Variants in DYRK1A observed in about 807,000 individuals in gnomAD.
DYRK1A encodes dual specificity tyrosine phosphorylation regulated kinase 1A, also known as dual specificity tyrosine-phosphorylation-regulated kinase 1A.
DYRK1A carries 9 observed loss-of-function variants against 79.7 expected under a neutral mutation model. That is an observed-to-expected ratio of 0.11 (90% confidence interval 0.07 to 0.20). The LOEUF (loss-of-function observed/expected upper bound fraction) is 0.20. DYRK1A is among the 10% of genes least tolerant of loss of function. DYRK1A has a pLI of 1.00. For missense variants in DYRK1A, 622 were observed against 956.0 expected, an observed-to-expected ratio of 0.65 and a Z score of 4.61; for synonymous variants, 349 against 329.7, an observed-to-expected ratio of 1.06 and a Z score of -0.63.
intron 2 of DYRK1A, among the ~76,000 whole-genome samples, chr21:37,449,610 GA>G (rs894774737): frequency 3.4e-4 from 52 of 152,142 alleles, no homozygotes; most frequent in African/African-American, 1.1e-3. Context: ...TTGACTCAGG[GA>G]AAAAAATGCC....
At chr21:37,375,038 G>C (rs1156616333) in intron 1 of DYRK1A, 1 of 152,188 alleles carries the variant, frequency 6.6e-6, no homozygotes, top group Admixed American at 6.5e-5. Flanking sequence ...TTCGTTCTTT[G>C]TTCTTTCTAC....
intron 2 of DYRK1A, among the ~76,000 whole-genome samples, chr21:37,434,831 A>G (rs1324029967): frequency 6.6e-6 from 1 of 152,202 alleles, no homozygotes; most frequent in Non-Finnish European, 1.5e-5. Flanking sequence ...TAGTCTTTCC[A>G]TTATAGAATA....
At chr21:37,429,877 C>G (rs542390055) in intron 2 of DYRK1A, among the ~76,000 whole-genome samples, 1 of 152,296 alleles carries the variant, frequency 6.6e-6, no homozygotes, top group East Asian at 1.9e-4. Flanking sequence ...TTACTATTTT[C>G]CGTTTTAAAA....
At chr21:37,472,213 A>G (rs925597368) in intron 2 of DYRK1A, among the ~76,000 whole-genome samples, 3 of 152,212 alleles carry the variant, frequency 2.0e-5, no homozygotes, top group Non-Finnish European at 4.4e-5. Flanking sequence ...GGAGAGCACC[A>G]TAAGGTTTCA....
intron 3 of DYRK1A, among the ~76,000 whole-genome samples, chr21:37,473,645 C>CT (rs1336564228): frequency 1.3e-5 from 2 of 151,912 alleles, no homozygotes; most frequent in African/African-American, 4.8e-5. Flanking sequence ...TTGTTTAGGT[C>CT]TTTTAATATA....
At chr21:37,387,633 A>T (rs1381087345) in intron 1 of DYRK1A, among the ~76,000 whole-genome samples, 2 of 152,138 alleles carry the variant, frequency 1.3e-5, no homozygotes, top group African/African-American at 4.8e-5. Context: ...ATTTTCCAGC[A>T]TGGTTGGATC....
chr21:37,506,065 C>T (rs756653134), intron 10 of DYRK1A, 34 bp from the exon 11 acceptor site: 2 of 1,586,548 alleles, frequency 1.3e-6, no homozygotes, highest in Non-Finnish European at 1.7e-6. Context: ...ATTTTAAACT[C>T]ACAGTTGTAT....
At chr21:37,465,086 A>T (rs548722568) in intron 2 of DYRK1A, among the ~76,000 whole-genome samples, 1 of 152,350 alleles carries the variant, frequency 6.6e-6, no homozygotes, top group East Asian at 1.9e-4. Context: ...TGTGGCAAGC[A>T]CACCTCGTTT....
intron 1 of DYRK1A, among the ~76,000 whole-genome samples, chr21:37,405,401 T>C (rs1481108988): frequency 1.3e-5 from 2 of 152,178 alleles, no homozygotes; most frequent in African/African-American, 4.8e-5. Flanking sequence ...AGGGAGCGAG[T>C]CAAGTCATCC....
intron 1 of DYRK1A, among the ~76,000 whole-genome samples, chr21:37,376,281 G>A (rs545899924): frequency 6.6e-6 from 1 of 152,254 alleles, no homozygotes; most frequent in East Asian, 1.9e-4. Flanking sequence ...AGGCCAAGGC[G>A]AGTGGATCAC....
intron 2 of DYRK1A, among the ~76,000 whole-genome samples, chr21:37,466,444 A>G (rs2052027899): frequency 6.6e-6 from 1 of 152,276 alleles, no homozygotes; most frequent in Non-Finnish European, 1.5e-5. Flanking sequence ...GAAAAGGAAC[A>G]TAAAACAGTT....
chr21:37,465,153 T>TC (rs2051981936), intron 2 of DYRK1A, among the ~76,000 whole-genome samples: 1 of 152,210 alleles, frequency 6.6e-6, no homozygotes, highest in South Asian at 2.1e-4. Flanking sequence ...TTCTTCACTT[T>TC]CACTAAATAA....
intron 11 of DYRK1A, among the ~76,000 whole-genome samples, chr21:37,508,447 T>C (rs2053658290): frequency 1.3e-5 from 2 of 152,256 alleles, no homozygotes; most frequent in Middle Eastern, 3.4e-3. Flanking sequence ...ATCACCATGC[T>C]GGCTAATTTT....
chr21:37,506,198 T>C lies in DYRK1A; in HGVS notation c.1619T>C (p.Met540Thr). Residue 540 changes from methionine to threonine, a missense_variant, in exon 11 of 12, where the codon ATG becomes ACG. Around this residue, in one of 5 missense-constraint regions of DYRK1A, gnomAD observed 292 missense variants for 316.7 expected, o/e 0.92. Transcript: ENST00000647188. ...GGHFTAAVQAMDCETHSPQVR... is the reference protein window; with the variant it reads ...GGHFTAAVQATDCETHSPQVR... ...CACTTCACAGCTGCCGTGCAGGCCA[T>C]GGACTGCGAGACACACAGTCCCCAG... 1 of 1,614,162 alleles carries C rather than the reference T, an allele frequency of 6.2e-7. No homozygotes were observed. The highest frequency in any genetic ancestry group is 8.5e-7 in the Non-Finnish European group (1 of 1,180,040).
chr21:37,411,731 A>G (rs994289501), intron 1 of DYRK1A, among the ~76,000 whole-genome samples: 1 of 152,220 alleles, frequency 6.6e-6, no homozygotes, highest in Non-Finnish European at 1.5e-5. Context: ...CAAAATACAC[A>G]TTCATTTTAG....
At chr21:37,377,617 C>T (rs9982836) in intron 1 of DYRK1A, among the ~76,000 whole-genome samples, 28,368 of 151,960 alleles carry the variant, frequency 0.19, 2,903 homozygotes, top group East Asian at 0.36. Context: ...TATAGGTGTA[C>T]ACCACCACAC....
At chr21:37,466,669 T>C (rs1043192878) in intron 2 of DYRK1A, among the ~76,000 whole-genome samples, 1 of 152,148 alleles carries the variant, frequency 6.6e-6, no homozygotes, top group Non-Finnish European at 1.5e-5. Flanking sequence ...GAGGGCAGTT[T>C]ATGATGATAA....
At chr21:37,382,792 G>T (rs12151982) in intron 1 of DYRK1A, among the ~76,000 whole-genome samples, 2 of 152,018 alleles carry the variant, frequency 1.3e-5, no homozygotes, top group South Asian at 4.2e-4. Flanking sequence ...GGTATTATCC[G>T]TGTTTACCTC....
intron 9 of DYRK1A, chr21:37,504,394 C>T (rs1348850246): frequency 6.6e-6 from 1 of 152,232 alleles, no homozygotes; most frequent in Non-Finnish European, 1.5e-5. Flanking sequence ...TGCGCCTTCT[C>T]CCACTGCAGG....
Sources: allele counts gnomAD v4.1 joint callset (sites outside exome capture counted in the v4.1 genomes callset), GRCh38; gene constraint gnomAD v4.1.1; regional missense constraint gnomAD v4.1.1; transcripts MANE v1.5; gene names NCBI Gene and HGNC (gene_info 2026-07-23, HGNC 2026-07-21).